SDK1: variants seen among roughly 807,000 people sequenced by gnomAD.
SDK1 encodes the protein protein sidekick-1.
In SDK1, 157 loss-of-function variants were observed where a neutral mutation model predicts 245.5. That is an observed-to-expected ratio of 0.64 (90% CI 0.56 to 0.73). The LOEUF is 0.73. Among genes scored for constraint, SDK1 ranks in the 30% least tolerant of loss-of-function variants. The pLI, the probability that SDK1 is intolerant of heterozygous loss-of-function variation, is 0.00. For synonymous variants in SDK1, 1,647 were observed against 1,278.5 expected, an observed-to-expected ratio of 1.29 and a Z score of -6.15; for missense variants, 3,583 against 3,002.3, an observed-to-expected ratio of 1.19 and a Z score of -4.52.
chr7:3,928,052 T>A (rs950413225), intron 5 of SDK1, among the ~76,000 whole-genome samples: 2 of 152,234 alleles, frequency 1.3e-5, no homozygotes, highest in African/African-American at 4.8e-5. Context: ...TCTTTCCATT[T>A]GCACCTTCAG....
chr7:3,865,814 C>G lies in SDK1; in HGVS notation c.847+44231C>G, dbSNP rs117548126. Reference sequence around the variant, plus strand: ...TGTCTGGCTTCACCTCCATTCTTAACCCATCAGTTTTATGGATTTTTCTTC... The same window carrying G: ...TGTCTGGCTTCACCTCCATTCTTAAGCCATCAGTTTTATGGATTTTTCTTC... On this transcript the variant is annotated intron_variant, in intron 5 of 44. Transcript: ENST00000404826. 1.2e-3 allele frequency among the ~76,000 whole-genome samples: 182 copies of G among 152,200 alleles called. No homozygotes were observed. The East Asian group carries it at 0.035, about 29-fold the overall frequency.
At chr7:3,486,825 T>C (rs1185952371) in intron 1 of SDK1, among the ~76,000 whole-genome samples, 1 of 152,204 alleles carries the variant, frequency 6.6e-6, no homozygotes, top group Non-Finnish European at 1.5e-5. Flanking sequence ...TAGATAATTT[T>C]TGTGAACATT....
intron 44 of SDK1, among the ~76,000 whole-genome samples, chr7:4,247,630 G>T (rs903859423): frequency 6.6e-6 from 1 of 152,208 alleles, no homozygotes; most frequent in African/African-American, 2.4e-5. Flanking sequence ...CTGCTCTTTC[G>T]AGTATCCAGG....
chr7:4,243,518 C>T (rs1367214592), intron 43 of SDK1, among the ~76,000 whole-genome samples: 1 of 152,220 alleles, frequency 6.6e-6, no homozygotes, highest in Admixed American at 6.5e-5. Flanking sequence ...GGGGAGACCT[C>T]ACAATCATGG....
At chr7:3,941,229 A>C (rs1780357052) in intron 5 of SDK1, among the ~76,000 whole-genome samples, 3 of 151,776 alleles carry the variant, frequency 2.0e-5, no homozygotes, top group Admixed American at 2.0e-4. Flanking sequence ...TCCTCCTCTT[A>C]GCAACACCCT....
At chr7:3,812,670 T>A (rs1779414097) in intron 4 of SDK1, among the ~76,000 whole-genome samples, 1 of 152,242 alleles carries the variant, frequency 6.6e-6, no homozygotes, top group Non-Finnish European at 1.5e-5. Context: ...TTTTCCTGCC[T>A]CTAGTTTCTT....
In SDK1 at chr7:3,454,423, T is replaced by TGTGTGCGC. The variant is rs1554273965; in HGVS notation, c.298+152540_298+152541insTGTGCGCG. Among the ~76,000 whole-genome samples the TGTGTGCGC allele has an allele frequency of 3.3e-3, 502 of 150,138 alleles. 4 individuals carry two copies. Among genetic ancestry groups the TGTGTGCGC allele is most frequent in the Middle Eastern group, 0.01 (3 of 294 alleles). On this transcript the variant is annotated intron_variant, in intron 1 of 44. Transcript: ENST00000404826. The stretch of plus-strand genomic sequence containing the variant: ...GTGTGTGTGTGTGTGTGTGTGTGTG[T>TGTGTGCGC]GCTGTGTACATTTAAGTCTATGCAA...
chr7:3,469,838 C>G (rs572043593), intron 1 of SDK1, among the ~76,000 whole-genome samples: 4 of 152,248 alleles, frequency 2.6e-5, no homozygotes, highest in South Asian at 4.1e-4. Context: ...ATTGAAAATG[C>G]TTCCTAAGAT....
At chr7:4,144,680 C>G (rs762515215) in intron 28 of SDK1, among the ~76,000 whole-genome samples, 3 of 152,004 alleles carry the variant, frequency 2.0e-5, no homozygotes, top group Non-Finnish European at 4.4e-5. Flanking sequence ...GAGGGGTTCA[C>G]CCGGAACAGA....
At chr7:3,374,453 C>T (rs901045203) in intron 1 of SDK1, among the ~76,000 whole-genome samples, 14 of 152,166 alleles carry the variant, frequency 9.2e-5, no homozygotes, top group African/African-American at 3.4e-4. Context: ...ACTGTAGTGT[C>T]ATAGCCAGTC....
chr7:4,082,539 A>T (rs1426278158), intron 22 of SDK1, among the ~76,000 whole-genome samples: 2 of 151,714 alleles, frequency 1.3e-5, no homozygotes, highest in African/African-American at 4.8e-5. Context: ...TGTCTCAAAA[A>T]AAAAAAAAAA....
At chr7:4,256,250 T>A (rs1014982629) in intron 44 of SDK1, among the ~76,000 whole-genome samples, 8 of 152,236 alleles carry the variant, frequency 5.3e-5, no homozygotes, top group Non-Finnish European at 1.0e-4. Flanking sequence ...ATTTATAAAA[T>A]ACTTTTCACC....
chr7:4,058,620 A>G (rs919673376), intron 19 of SDK1, among the ~76,000 whole-genome samples: 1 of 152,210 alleles, frequency 6.6e-6, no homozygotes, highest in African/African-American at 2.4e-5. Context: ...ACTCACTTAT[A>G]AGAGAACCCC....
intron 4 of SDK1, among the ~76,000 whole-genome samples, chr7:3,711,828 T>A (rs1785059949): frequency 6.6e-6 from 1 of 152,108 alleles, no homozygotes; most frequent in South Asian, 2.1e-4. Context: ...CTGGGGGCGT[T>A]GTGATCTTTT....
At chr7:3,956,249 G>T (rs1396273404) in intron 7 of SDK1, among the ~76,000 whole-genome samples, 1 of 152,150 alleles carries the variant, frequency 6.6e-6, no homozygotes, top group African/African-American at 2.4e-5. Flanking sequence ...CTATGCACAG[G>T]ATGACTCATT....
intron 1 of SDK1, among the ~76,000 whole-genome samples, chr7:3,495,252 C>CTTTT (rs71029675): frequency 0.013 from 1,262 of 99,726 alleles, 90 homozygotes; most frequent in African/African-American, 0.038. Context: ...CATAATGGTT[C>CTTTT]TTTTTTTTTT....
chr7:4,035,934 T>C (rs1163086108), intron 17 of SDK1, among the ~76,000 whole-genome samples: 1 of 152,234 alleles, frequency 6.6e-6, no homozygotes, highest in East Asian at 1.9e-4. Context: ...CTGAAATGCT[T>C]CAAGTACATT....
chr7:3,705,693 T>C (rs746855898), intron 4 of SDK1, among the ~76,000 whole-genome samples: 1 of 152,022 alleles, frequency 6.6e-6, no homozygotes, highest in South Asian at 2.1e-4. Context: ...GACCATGGCA[T>C]TGGCAGACAG....
chr7:3,896,712 A>G (rs186294936), intron 5 of SDK1, among the ~76,000 whole-genome samples: 1 of 152,242 alleles, frequency 6.6e-6, no homozygotes, highest in East Asian at 1.9e-4. Flanking sequence ...GCTGCTTCAC[A>G]TATTTTGTCT....
Sources: allele counts gnomAD v4.1 joint callset (sites outside exome capture counted in the v4.1 genomes callset), GRCh38; gene constraint gnomAD v4.1.1; transcripts MANE v1.5; gene names NCBI Gene and HGNC (gene_info 2026-07-23, HGNC 2026-07-21).